RBM45: variants seen among roughly 807,000 people sequenced by gnomAD.
RBM45 encodes RNA-binding protein 45.
In RBM45, 39 loss-of-function variants were observed where a neutral mutation model predicts 58.5. That is an observed-to-expected ratio of 0.67 (90% confidence interval 0.52 to 0.87). The LOEUF (loss-of-function observed/expected upper bound fraction) is 0.87, where lower values mean the gene tolerates loss of function less well. Ranked by LOEUF, RBM45 falls within the 40% of genes least tolerant of loss-of-function variation. RBM45 has a pLI of 0.00. For missense variants in RBM45, 481 were observed against 581.6 expected (o/e 0.83, Z 1.78); for synonymous variants, 193 against 203.0 (o/e 0.95, Z 0.42).
In RBM45 at chr2:178,123,470, T is replaced by C. The variant is rs2105906042; in HGVS notation, c.854-52T>C. The C allele has an allele frequency of 2.0e-6, 3 of 1,517,926 alleles. No individual in the cohort carries two copies. The East Asian group carries it at 6.8e-5, about 35-fold the overall frequency. 94.0% of individuals were successfully genotyped at this position (1,517,926 alleles called of 1,614,324 possible). A position where few individuals can be genotyped will look rare whatever the true frequency, so the allele number is the denominator to read the frequency against. On this transcript the variant is annotated intron_variant, in intron 5 of 9. Transcript: ENST00000286070. ...TTTGTGATAGATTGTAACATAGGCC[T>C]TAGGCACTCAGTCTGCTTTCCTTTT... is the stretch of plus-strand genomic sequence containing the variant.
At chr2:178,126,998 G>A (rs553289116) in intron 9 of RBM45, among the ~76,000 whole-genome samples, 128 of 151,744 alleles carry the variant, frequency 8.4e-4, no homozygotes, top group African/African-American at 2.0e-3. Context: ...GTGCAGTGGC[G>A]AGATCTCGAT....
chr2:178,129,686 C>G (rs79833554), downstream of RBM45: 2 of 152,492 alleles, frequency 1.3e-5, no homozygotes, highest in Non-Finnish European at 2.9e-5. Flanking sequence ...AAGACAAGAA[C>G]GGAAAAATTT....
At chr2:178,132,881 C>A (rs957450883), downstream of RBM45, among the ~76,000 whole-genome samples, 2 of 152,192 alleles carry the variant, frequency 1.3e-5, 1 homozygote, top group South Asian at 4.1e-4. Flanking sequence ...AACCACTGCA[C>A]CCAGCCAAAA....
At chr2:178,134,900 ATCTC>A (rs145078040) in intron 3 of RBM45, among the ~76,000 whole-genome samples, 37,748 of 151,806 alleles carry the variant, frequency 0.25, 5,884 homozygotes, top group East Asian at 0.57. Context: ...AGGCGAGATA[ATCTC>A]TTGGAGTAAT....
rs1641218536 is a variant in RBM45, at chr2:178,123,515, A to G, written c.854-7A>G. On this transcript the variant is annotated splice_region_variant and splice_polypyrimidine_tract_variant and intron_variant, in intron 5 of 9. Transcript: ENST00000286070. ...CCTTTTTCATTTCTGTATGTTCTCT[A>G]TTTTAGGTCATGGAGTGGTTCAGTA... 1.3e-6 allele frequency: 2 copies of G among 1,565,348 alleles called. No individual in the cohort carries two copies. Among genetic ancestry groups the G allele is most frequent in the Non-Finnish European group, 1.7e-6 (2 of 1,162,268 alleles).
At chr2:178,130,495 G>T (rs560968065), downstream of RBM45, among the ~76,000 whole-genome samples, 8 of 152,034 alleles carry the variant, frequency 5.3e-5, no homozygotes, top group African/African-American at 1.9e-4. Flanking sequence ...GCTGCAGCCT[G>T]GACAACAGAG....
intron 9 of RBM45, among the ~76,000 whole-genome samples, chr2:178,128,549 C>T (rs1255850679): frequency 6.6e-6 from 1 of 152,188 alleles, no homozygotes; most frequent in Admixed American, 6.5e-5. Flanking sequence ...ATAAATACCA[C>T]ATTTTTCCCT....
chr2:178,132,823 G>A (rs958362817), downstream of RBM45, among the ~76,000 whole-genome samples: 2 of 152,088 alleles, frequency 1.3e-5, no homozygotes, highest in Admixed American at 1.3e-4. Context: ...CCTGACCTCA[G>A]GTGACCTGCC....
chr2:178,130,734 C>T (rs1028795570), downstream of RBM45, among the ~76,000 whole-genome samples: 1 of 152,196 alleles, frequency 6.6e-6, no homozygotes, highest in East Asian at 1.9e-4. Context: ...TTATACTTCT[C>T]ACATTCTGAC....
chr2:178,117,340 A>G (rs2087790371), intron 2 of RBM45, among the ~76,000 whole-genome samples: 1 of 152,162 alleles, frequency 6.6e-6, no homozygotes, highest in Non-Finnish European at 1.5e-5. Flanking sequence ...TAACACTTTA[A>G]TGTATAGTAA....
chr2:178,112,936 A>T (rs2105896122), intron 1 of RBM45, 90 bp downstream of exon 1: 1 of 1,374,268 alleles, frequency 7.3e-7, no homozygotes, highest in Non-Finnish European at 9.9e-7. Context: ...GTGAGGGAGG[A>T]GTGGAACATC....
chr2:178,124,678 G>T (rs1478582428), intron 8 of RBM45, among the ~76,000 whole-genome samples: 1 of 152,170 alleles, frequency 6.6e-6, no homozygotes, highest in Admixed American at 6.5e-5. Flanking sequence ...GCCAGGCATG[G>T]TGGTACATGC....
At chr2:178,136,266 C>T (rs6705312) in intron 3 of RBM45, among the ~76,000 whole-genome samples, 38,013 of 152,124 alleles carry the variant, frequency 0.25, 6,002 homozygotes, top group East Asian at 0.57. Context: ...GCCGAGATCA[C>T]GCCACTGCAC....
intron 1 of RBM45, among the ~76,000 whole-genome samples, chr2:178,113,284 G>T (rs907028173): frequency 6.8e-6 from 1 of 146,828 alleles, no homozygotes; most frequent in Non-Finnish European, 1.5e-5. Flanking sequence ...AGGTACAGAT[G>T]AGGCGTTAAC....
At chr2:178,127,590 T>C (rs1205084716) in intron 9 of RBM45, among the ~76,000 whole-genome samples, 1 of 152,204 alleles carries the variant, frequency 6.6e-6, no homozygotes, top group African/African-American at 2.4e-5. Flanking sequence ...TTAAATGTTT[T>C]ATTAAATGAC....
chr2:178,129,969 T>G (rs941478388), downstream of RBM45, among the ~76,000 whole-genome samples: 6 of 152,190 alleles, frequency 3.9e-5, no homozygotes, highest in Non-Finnish European at 7.4e-5. Context: ...AAAGACAAAA[T>G]CATTGGAAAT....
intron 9 of RBM45, among the ~76,000 whole-genome samples, chr2:178,127,042 T>G (rs2087940249): frequency 6.6e-6 from 1 of 152,062 alleles, no homozygotes; most frequent in Admixed American, 6.5e-5. Flanking sequence ...ATACAAGTGA[T>G]TCTTCTGCCT....
At chr2:178,112,913 C>G in intron 1 of RBM45, 67 bp downstream of exon 1, 2 of 1,501,446 alleles carry the variant, frequency 1.3e-6, no homozygotes, top group South Asian at 2.5e-5. Flanking sequence ...CCTTCACCTG[C>G]TGCTCTGCCG....
In RBM45 at chr2:178,136,201, T is replaced by C. The variant is rs529202986; in HGVS notation, c.*9-262T>C. Among the ~76,000 whole-genome samples, 17 of 152,252 alleles carry C rather than the reference T, an allele frequency of 1.1e-4. No homozygotes were observed. In the South Asian group the frequency reaches 3.5e-3, roughly 32 times the overall value. On this transcript the variant is annotated intron_variant, in intron 3 of 3. Transcript: ENST00000455903. ...GGCGGGCGCCTGTAGTCCCAGCTAC[T>C]TGGGAGGCTGAGGCAGGAGAAAGGT...
Sources: allele counts gnomAD v4.1 joint callset (sites outside exome capture counted in the v4.1 genomes callset), GRCh38; gene constraint gnomAD v4.1.1; transcripts MANE v1.5; gene names NCBI Gene and HGNC (gene_info 2026-07-23, HGNC 2026-07-21).